HRH2: variants seen among roughly 807,000 people sequenced by gnomAD.
HRH2 encodes histamine receptor H2.
A neutral mutation model predicts 20.1 loss-of-function variants in HRH2; 4 were observed. That is an observed-to-expected ratio of 0.20 (90% CI 0.10 to 0.45). HRH2 has a LOEUF of 0.45. Among genes scored for constraint, HRH2 ranks in the 20% least tolerant of loss-of-function variants. The probability of loss-of-function intolerance (pLI) is 0.99; values close to 1 mark genes in which losing one functional copy is unlikely to be tolerated. For missense variants in HRH2, 250 were observed against 461.6 expected (o/e 0.54, Z 4.20); for synonymous variants, 197 against 200.7 (o/e 0.98, Z 0.16).
At position 175,690,214 on chromosome 5, in the gene HRH2, C is replaced by T. The variant is rs906233476; in HGVS notation, c.1076+5905C>T. On this transcript the variant is annotated intron_variant, in intron 2 of 2. Transcript: ENST00000636584. ...AGGGGCCCCAGCTGGCCCCGCCACTCGGGAACCTGCTGGCTGCCTTGTGAA... is the reference window on the plus strand; with the variant it reads ...AGGGGCCCCAGCTGGCCCCGCCACTTGGGAACCTGCTGGCTGCCTTGTGAA... Among the ~76,000 whole-genome samples, 6 of 152,220 alleles carry T rather than the reference C, an allele frequency of 3.9e-5. No homozygotes were observed. In the East Asian group the frequency reaches 7.7e-4, roughly 20 times the overall value.
chr5:175,694,030 C>G (rs1756475034), intron 2 of HRH2, among the ~76,000 whole-genome samples: 1 of 152,200 alleles, frequency 6.6e-6, no homozygotes, highest in Admixed American at 6.5e-5. Flanking sequence ...CTCTCTCAAA[C>G]TCTTGTGTCT....
intron 1 of HRH2, among the ~76,000 whole-genome samples, chr5:175,671,346 G>C (rs982884166): frequency 1.3e-5 from 2 of 152,230 alleles, no homozygotes; most frequent in African/African-American, 4.8e-5. Flanking sequence ...AGGTGACCCA[G>C]CTGGTTGCAG....
intron 1 of HRH2, among the ~76,000 whole-genome samples, chr5:175,670,229 C>G (rs1049384438): frequency 1.3e-5 from 2 of 152,094 alleles, no homozygotes; most frequent in African/African-American, 4.8e-5. Flanking sequence ...GCCCAGCAGT[C>G]CAAGACCAGC....
chr5:175,695,106 T>A (rs1756528036), intron 2 of HRH2, among the ~76,000 whole-genome samples: 1 of 151,998 alleles, frequency 6.6e-6, no homozygotes, highest in Admixed American at 6.5e-5. Context: ...GGACTTTGCA[T>A]TGCAAAGTCC....
Position 175,687,734 on chromosome 5 carries a change from C to T in HRH2, c.1076+3425C>T, listed in dbSNP as rs146430809. 9.9e-5 allele frequency among the ~76,000 whole-genome samples: 15 copies of T among 152,254 alleles called. No homozygotes were observed. Among genetic ancestry groups the T allele is most frequent in the African/African-American group, 2.9e-4 (12 of 41,552 alleles). ...CCTCTCAGATACCCCTGCTCCCAGC[C>T]GCTCCCTGTCTGCTCCATCACTCAC... On this transcript the variant is annotated intron_variant, in intron 2 of 2. Coordinates refer to ENST00000636584, the MANE Select transcript of HRH2 (RefSeq NM_001367711.1). The surrounding 1 kb of genome is among the most constrained non-coding windows in gnomAD (Gnocchi z 5.2).
At chr5:175,688,074 C>T (rs892854920) in intron 2 of HRH2, among the ~76,000 whole-genome samples, 13 of 152,166 alleles carry the variant, frequency 8.5e-5, no homozygotes, top group African/African-American at 3.1e-4. Context: ...TCACTCCAGC[C>T]TTTTGCTTCC....
Position 175,686,962 on chromosome 5 carries a change from G to C in HRH2, c.1076+2653G>C, listed in dbSNP as rs142369639. On this transcript the variant is annotated intron_variant, in intron 2 of 2. Coordinates refer to ENST00000636584, the MANE Select transcript of HRH2 (RefSeq NM_001367711.1). This position sits in a 1 kb window ranked among gnomAD's most constrained non-coding sequence, Gnocchi z 4.7. ...TCCATCTCCTGCTCTGATCCTCGTG[G>C]GCACCCTGGGTGGGAGGCTGTGAAG... Among the ~76,000 whole-genome samples the C allele has an allele frequency of 3.5e-3, 535 of 152,326 alleles. 2 individuals are homozygous for C. The highest frequency in any genetic ancestry group is 0.012 in the African/African-American group (515 of 41,570).
intron 2 of HRH2, among the ~76,000 whole-genome samples, chr5:175,707,047 C>A (rs540939224): frequency 6.6e-6 from 1 of 152,340 alleles, no homozygotes; most frequent in Admixed American, 6.5e-5. Flanking sequence ...AAATGGCACA[C>A]TTTGACGGGG....
chr5:175,664,772 C>G (rs1416318424), intron 1 of HRH2, among the ~76,000 whole-genome samples: 1 of 152,124 alleles, frequency 6.6e-6, no homozygotes, highest in Non-Finnish European at 1.5e-5. Flanking sequence ...GTAGCTGAGG[C>G]TACAGGAGAG....
In HRH2 at chr5:175,690,889, A is replaced by G. The variant is rs555449750; in HGVS notation, c.1076+6580A>G. Among the ~76,000 whole-genome samples the G allele has an allele frequency of 8.5e-5, 13 of 152,228 alleles. No homozygotes were observed. The South Asian group carries it at 2.5e-3, about 29-fold the overall frequency. ...CCTGGCTCCCCTCACTTAGCATAAC[A>G]TTGCCACGGTGCTATCTTTATTTTC... On this transcript the variant is annotated intron_variant, in intron 2 of 2. Coordinates refer to ENST00000636584, the MANE Select transcript of HRH2 (RefSeq NM_001367711.1).
chr5:175,689,160 T>C (rs1756277649), intron 2 of HRH2, among the ~76,000 whole-genome samples: 1 of 152,204 alleles, frequency 6.6e-6, no homozygotes, highest in Non-Finnish European at 1.5e-5. Flanking sequence ...CAGGCATAAA[T>C]TGGATTATAC....
chr5:175,668,389 C>G (rs1167640507), intron 1 of HRH2, among the ~76,000 whole-genome samples: 4 of 152,312 alleles, frequency 2.6e-5, no homozygotes, highest in African/African-American at 9.6e-5. Flanking sequence ...GAGACCCCCC[C>G]AGCTGTTGCT....
At chr5:175,706,701 G>A (rs530664910) in intron 2 of HRH2, among the ~76,000 whole-genome samples, 12 of 152,360 alleles carry the variant, frequency 7.9e-5, no homozygotes, top group African/African-American at 2.2e-4. Flanking sequence ...GGTGTTCAGG[G>A]AGGAAGGGCC....
In HRH2 at chr5:175,683,144, G is replaced by C; in HGVS notation, c.-90G>C. On this transcript the variant is annotated 5_prime_UTR_variant, in exon 2 of 3. Transcript: ENST00000636584. The stretch of plus-strand genomic sequence containing the variant: ...ACATTTTGGATCTGTTGGGAGCTTG[G>C]AGTCCAGTGGTTGGCATAGTTGTCA... 1 of 1,430,634 alleles carries C rather than the reference G, an allele frequency of 7.0e-7. No homozygotes were observed. Among genetic ancestry groups the C allele is most frequent in the African/African-American group, 1.5e-5 (1 of 68,818 alleles). The allele number at this position is 1,430,634 out of a possible 1,614,324, so 88.6% of individuals were successfully genotyped here. A position where few individuals can be genotyped will look rare whatever the true frequency, so the allele number is the denominator to read the frequency against.
rs191708241 is a variant in HRH2 at position 175,676,843 on chromosome 5, A to G, written c.-525-5866A>G. On this transcript the variant is annotated intron_variant, in intron 1 of 2. Transcript: ENST00000636584. Reference sequence around the variant, plus strand: ...ACGTGCAATATTTGACTCCAGTTGCACTGGAGGATATTATTTTAACTAAAA... The same window carrying G: ...ACGTGCAATATTTGACTCCAGTTGCGCTGGAGGATATTATTTTAACTAAAA... 1.8e-3 allele frequency among the ~76,000 whole-genome samples: 271 copies of G among 152,352 alleles called. 2 individuals carry two copies. In the Middle Eastern group the frequency reaches 0.034, roughly 19 times the overall value.
chr5:175,707,654 T>TCCCCA (rs1756985732), intron 2 of HRH2, 125 bp from the exon 3 acceptor site: 2 of 106,314 alleles, frequency 1.9e-5, no homozygotes, highest in East Asian at 5.9e-4. Context: ...TCCCCTCCCC[T>TCCCCA]CCCCACCCCA....
At chr5:175,696,925 C>A (rs1282772743) in intron 2 of HRH2, among the ~76,000 whole-genome samples, 1 of 152,220 alleles carries the variant, frequency 6.6e-6, no homozygotes, top group African/African-American at 2.4e-5. Context: ...GGTGGCCTCC[C>A]GTGGTAGCTC....
chr5:175,663,420 TC>T (rs1223169022), intron 1 of HRH2, among the ~76,000 whole-genome samples: 2 of 152,346 alleles, frequency 1.3e-5, no homozygotes, highest in East Asian at 3.9e-4. Context: ...ACTTTGAGCA[TC>T]CTTCAGTGTG....
intron 2 of HRH2, among the ~76,000 whole-genome samples, chr5:175,697,366 G>C (rs931431136): frequency 6.6e-6 from 1 of 151,512 alleles, no homozygotes; most frequent in Admixed American, 6.6e-5. Flanking sequence ...GGGAGGCTGA[G>C]GCAGGAGAAT....
Sources: gnomAD v4.1 joint callset for allele counts (sites outside exome capture counted in the v4.1 genomes callset) on GRCh38, gnomAD v4.1.1 for gene constraint, Gnocchi (gnomAD v3.1) non-coding constraint, MANE v1.5 for transcripts, NCBI Gene and HGNC (gene_info 2026-07-23, HGNC 2026-07-21) for gene names.